Variants in EXOC6B observed in about 807,000 individuals in gnomAD.
The protein encoded by EXOC6B is exocyst complex component 6B, also known as SEC15 homolog B.
In EXOC6B, 54 loss-of-function variants were observed where a neutral mutation model predicts 113.5. The observed-to-expected ratio is 0.48, with a 90% confidence interval of 0.38 to 0.60. EXOC6B has a LOEUF of 0.60. EXOC6B is among the 20% of genes least tolerant of loss of function. EXOC6B has a pLI of 0.00. For synonymous variants in EXOC6B, 357 were observed against 339.0 expected, an observed-to-expected ratio of 1.05 and a Z score of -0.58; for missense variants, 797 against 977.5, an observed-to-expected ratio of 0.82 and a Z score of 2.46.
chr2:72,465,539 C>A (rs13393677), intron 17 of EXOC6B, among the ~76,000 whole-genome samples, 200 bp from the exon 18 acceptor site: 16 of 151,950 alleles, frequency 1.1e-4, no homozygotes, highest in Non-Finnish European at 2.2e-4. Context: ...TTGTTTGCAT[C>A]CTAAGAGATG....
chr2:72,390,111 T>A (rs941992600), intron 18 of EXOC6B, among the ~76,000 whole-genome samples: 21 of 152,150 alleles, frequency 1.4e-4, no homozygotes, highest in Non-Finnish European at 2.2e-4. Context: ...TCTTCCTCCA[T>A]TAATTCTCCT....
intron 6 of EXOC6B, among the ~76,000 whole-genome samples, chr2:72,717,218 T>C (rs1472531852): frequency 2.0e-5 from 3 of 152,188 alleles, no homozygotes; most frequent in Non-Finnish European, 2.9e-5. Context: ...ATAGATATTA[T>C]AGATCAAATA....
chr2:72,451,973 C>T (rs1696946784), intron 18 of EXOC6B, among the ~76,000 whole-genome samples: 1 of 152,094 alleles, frequency 6.6e-6, no homozygotes, highest in Non-Finnish European at 1.5e-5. Context: ...GTGAACTCCT[C>T]ACCCCACAAC....
intron 8 of EXOC6B, 71 bp downstream of exon 8, chr2:72,559,381 AC>A (rs1436609414): frequency 9.3e-7 from 1 of 1,079,934 alleles, no homozygotes; most frequent in Non-Finnish European, 1.3e-6. Flanking sequence ...CAGAAAAACT[AC>A]CAAAAGTTGA....
intron 19 of EXOC6B, among the ~76,000 whole-genome samples, chr2:72,378,775 A>C (rs1691506904): frequency 6.6e-6 from 1 of 152,076 alleles, no homozygotes; most frequent in African/African-American, 2.4e-5. Flanking sequence ...TCTTAGAATA[A>C]AAAAAATTCC....
chr2:72,639,219 T>C (rs1029486859), intron 6 of EXOC6B, among the ~76,000 whole-genome samples: 1 of 152,128 alleles, frequency 6.6e-6, no homozygotes, highest in Non-Finnish European at 1.5e-5. Flanking sequence ...GATGGAGTCT[T>C]GGCAGACAGA....
At chr2:72,425,879 G>A (rs1049310724) in intron 18 of EXOC6B, among the ~76,000 whole-genome samples, 3 of 152,018 alleles carry the variant, frequency 2.0e-5, no homozygotes, top group Non-Finnish European at 2.9e-5. Flanking sequence ...GTCACTTGAA[G>A]TCAGAGAAAA....
chr2:72,236,963 C>A (rs918135711), intron 20 of EXOC6B, among the ~76,000 whole-genome samples: 1 of 152,072 alleles, frequency 6.6e-6, no homozygotes, highest in Non-Finnish European at 1.5e-5. Flanking sequence ...TGATTTTCTA[C>A]TTGCTAGATA....
chr2:72,272,874 C>T (rs1684580527), intron 20 of EXOC6B, among the ~76,000 whole-genome samples: 1 of 152,128 alleles, frequency 6.6e-6, no homozygotes, highest in South Asian at 2.1e-4. Flanking sequence ...GGGAGGAATA[C>T]TGAATAATTC....
At chr2:72,653,433 C>T (rs1674346844) in intron 6 of EXOC6B, among the ~76,000 whole-genome samples, 1 of 142,446 alleles carries the variant, frequency 7.0e-6, no homozygotes, top group African/African-American at 2.6e-5. Context: ...GGAGGGATAG[C>T]ATTAGGAGAT....
chr2:72,227,975 TA>T (rs1681349151), intron 20 of EXOC6B, among the ~76,000 whole-genome samples: 2 of 152,110 alleles, frequency 1.3e-5, no homozygotes, highest in Admixed American at 6.6e-5. Context: ...ATTGCAAAGA[TA>T]AAATGATATG....
In EXOC6B at chr2:72,609,349, CAA is replaced by C. The variant is rs562167107; in HGVS notation, c.670-33683_670-33682del. On this transcript the variant is annotated intron_variant, in intron 6 of 21. Transcript: ENST00000272427. ...AATGTAGAGAAAAGACTGGATCAAA[CAA>C]GAGGGAAAAGGTAGACCATTTCAGC... is the stretch of plus-strand genomic sequence containing the variant. Among the ~76,000 whole-genome samples the C allele has an allele frequency of 3.3e-5, 5 of 152,004 alleles. No homozygotes were observed. In the South Asian group the frequency reaches 1.0e-3, roughly 32 times the overall value.
At chr2:72,306,426 T>C (rs1686862849) in intron 20 of EXOC6B, among the ~76,000 whole-genome samples, 1 of 152,232 alleles carries the variant, frequency 6.6e-6, no homozygotes. Context: ...TGTACATTTT[T>C]TGTGTATTAT....
At chr2:72,224,060 G>T (rs1373374944) in intron 20 of EXOC6B, among the ~76,000 whole-genome samples, 1 of 151,914 alleles carries the variant, frequency 6.6e-6, no homozygotes, top group Non-Finnish European at 1.5e-5. Context: ...CCTAAACGAG[G>T]ATTTTTGAGA....
At chr2:72,666,005 T>C (rs190456976) in intron 6 of EXOC6B, among the ~76,000 whole-genome samples, 3 of 152,266 alleles carry the variant, frequency 2.0e-5, no homozygotes, top group East Asian at 1.9e-4. Flanking sequence ...TAGTCTATTA[T>C]ACAAATGGAA....
chr2:72,722,115 G>A (rs1031141353), intron 5 of EXOC6B: 2 of 151,274 alleles, frequency 1.3e-5, no homozygotes, highest in African/African-American at 4.9e-5. Context: ...ATATATCACT[G>A]GAAACACACA....
At chr2:72,798,909 G>C (rs1685126584) in intron 1 of EXOC6B, among the ~76,000 whole-genome samples, 1 of 151,970 alleles carries the variant, frequency 6.6e-6, no homozygotes, top group Non-Finnish European at 1.5e-5. Flanking sequence ...TTTATTTCCA[G>C]GTATAATTAT....
intron 6 of EXOC6B, among the ~76,000 whole-genome samples, chr2:72,599,760 C>A (rs528227551): frequency 5.9e-5 from 9 of 151,852 alleles, no homozygotes; most frequent in Admixed American, 3.9e-4. Context: ...TAGCAATGAA[C>A]AACTGGAACT....
At chr2:72,726,746 G>A (rs1339080159) in intron 5 of EXOC6B, among the ~76,000 whole-genome samples, 1 of 152,112 alleles carries the variant, frequency 6.6e-6, no homozygotes, top group African/African-American at 2.4e-5. Context: ...GTGATTTGGT[G>A]TAATATTTAA....
Sources: gnomAD v4.1 joint callset for allele counts (sites outside exome capture counted in the v4.1 genomes callset) on GRCh38, gnomAD v4.1.1 for gene constraint, MANE v1.5 for transcripts, NCBI Gene and HGNC (gene_info 2026-07-23, HGNC 2026-07-21) for gene names.